CNBD1: variants seen among roughly 807,000 people sequenced by gnomAD.
The protein encoded by CNBD1 is cyclic nucleotide-binding domain-containing protein 1.
CNBD1 carries 71 observed loss-of-function variants against 54.4 expected under a neutral mutation model. The observed-to-expected ratio is 1.30, with a 90% CI of 1.08 to 1.59. The LOEUF (loss-of-function observed/expected upper bound fraction) is 1.59, where lower values mean the gene tolerates loss of function less well. Ranked by LOEUF, CNBD1 falls within the 40% of genes most tolerant of loss-of-function variation. The pLI is 0.00. For missense variants in CNBD1, 659 were observed against 518.0 expected (o/e 1.27, Z -2.64); for synonymous variants, 182 against 170.7 (o/e 1.07, Z -0.51).
intron 4 of CNBD1, among the ~76,000 whole-genome samples, chr8:87,170,360 C>G (rs1395658279): frequency 6.6e-6 from 1 of 152,070 alleles, no homozygotes; most frequent in African/African-American, 2.4e-5. Flanking sequence ...ATATCATCTG[C>G]AAACAAAGAT....
At chr8:87,376,532 C>T (rs1056582242) in intron 10 of CNBD1, among the ~76,000 whole-genome samples, 2 of 151,870 alleles carry the variant, frequency 1.3e-5, no homozygotes, top group African/African-American at 4.8e-5. Flanking sequence ...AAATAATTAT[C>T]TTCTGAAAAT....
intron 6 of CNBD1, among the ~76,000 whole-genome samples, chr8:87,261,260 A>C (rs1331899643): frequency 1.3e-5 from 2 of 152,082 alleles, no homozygotes; most frequent in East Asian, 3.9e-4. Context: ...AAGGGAGCTT[A>C]CCCACGATCC....
At chr8:87,424,256 T>A (rs1198812007) in intron 2 of CNBD1, among the ~76,000 whole-genome samples, 1 of 152,056 alleles carries the variant, frequency 6.6e-6, no homozygotes, top group Non-Finnish European at 1.5e-5. Flanking sequence ...TTTGAAGGGT[T>A]TTTTGTGTCT....
intron 2 of CNBD1, among the ~76,000 whole-genome samples, chr8:87,388,654 C>A (rs1367976561): frequency 2.6e-5 from 4 of 152,122 alleles, no homozygotes; most frequent in Non-Finnish European, 5.9e-5. Flanking sequence ...GAATTCACAG[C>A]CGAATTCTAC....
chr8:87,302,664 G>T (rs986390636), intron 8 of CNBD1, among the ~76,000 whole-genome samples: 12 of 151,698 alleles, frequency 7.9e-5, no homozygotes, highest in Admixed American at 3.3e-4. Context: ...GGAAATAAAG[G>T]GTATTCAATT....
At chr8:87,048,989 T>G (rs1479500216) in intron 4 of CNBD1, among the ~76,000 whole-genome samples, 2 of 152,218 alleles carry the variant, frequency 1.3e-5, no homozygotes, top group African/African-American at 4.8e-5. Context: ...GGCTGGCAAG[T>G]GGACTTTACT....
chr8:87,285,731 A>C (rs1808684193), intron 7 of CNBD1, among the ~76,000 whole-genome samples: 2 of 152,224 alleles, frequency 1.3e-5, no homozygotes, highest in Admixed American at 6.5e-5. Context: ...TTAGCCGGAC[A>C]TGGTGGTGCA....
At chr8:87,307,635 G>C (rs528871399) in intron 8 of CNBD1, among the ~76,000 whole-genome samples, 2 of 152,042 alleles carry the variant, frequency 1.3e-5, no homozygotes, top group East Asian at 3.9e-4. Flanking sequence ...CTACTTGGGA[G>C]GCTGAGGCAG....
At chr8:87,238,572 TA>T (rs552248048) in intron 6 of CNBD1, among the ~76,000 whole-genome samples, 2 of 151,978 alleles carry the variant, frequency 1.3e-5, no homozygotes, top group African/African-American at 4.8e-5. Flanking sequence ...AAAATAATAA[TA>T]AAAAAATACT....
At chr8:87,293,482 G>T (rs1177324429) in intron 8 of CNBD1, among the ~76,000 whole-genome samples, 1 of 152,150 alleles carries the variant, frequency 6.6e-6, no homozygotes, top group Non-Finnish European at 1.5e-5. Flanking sequence ...GGCTGAGGTT[G>T]CAGTGAGCCG....
At chr8:87,338,617 T>TCG (rs1230078319) in intron 8 of CNBD1, among the ~76,000 whole-genome samples, 1 of 132,972 alleles carries the variant, frequency 7.5e-6, no homozygotes, top group Non-Finnish European at 1.7e-5. Context: ...CATTTTTTCT[T>TCG]TGTTTTTTTT....
intron 4 of CNBD1, among the ~76,000 whole-genome samples, chr8:86,990,020 TC>T (rs1478190773): frequency 6.6e-5 from 10 of 152,208 alleles, no homozygotes; most frequent in Non-Finnish European, 8.8e-5. Context: ...TCTAATCCGA[TC>T]TTTTGCCAGT....
chr8:87,056,814 C>A (rs1019214479), intron 4 of CNBD1, among the ~76,000 whole-genome samples: 2 of 151,890 alleles, frequency 1.3e-5, no homozygotes, highest in Admixed American at 1.3e-4. Context: ...TGAACAGATT[C>A]ACATCACAAC....
At chr8:86,973,954 A>C (rs1180223357) in intron 4 of CNBD1, among the ~76,000 whole-genome samples, 2 of 151,996 alleles carry the variant, frequency 1.3e-5, no homozygotes, top group Admixed American at 6.6e-5. Context: ...ATAAATATTT[A>C]TTGACTATTG....
intron 6 of CNBD1, among the ~76,000 whole-genome samples, chr8:87,274,172 G>A (rs886257839): frequency 6.6e-6 from 1 of 151,564 alleles, no homozygotes; most frequent in Non-Finnish European, 1.5e-5. Flanking sequence ...GTCTATCATT[G>A]TTGGACATTT....
chr8:86,910,305 T>C (rs1013769509), intron 3 of CNBD1, among the ~76,000 whole-genome samples: 2 of 152,184 alleles, frequency 1.3e-5, no homozygotes, highest in South Asian at 4.1e-4. Context: ...TTGTAGATTA[T>C]CCCAATTCCC....
At chr8:87,280,823 T>C (rs1191874257) in intron 6 of CNBD1, among the ~76,000 whole-genome samples, 1 of 151,526 alleles carries the variant, frequency 6.6e-6, no homozygotes, top group Admixed American at 6.6e-5. Context: ...AGCATGAGAA[T>C]ACATCATTTC....
intron 8 of CNBD1, among the ~76,000 whole-genome samples, chr8:87,290,707 C>G (rs1186872574): frequency 6.6e-6 from 1 of 152,068 alleles, no homozygotes; most frequent in African/African-American, 2.4e-5. Flanking sequence ...TTCATTTCTC[C>G]TTTACTTTTG....
At chr8:87,359,847 A>G (rs1810493316) in intron 10 of CNBD1, among the ~76,000 whole-genome samples, 1 of 152,090 alleles carries the variant, frequency 6.6e-6, no homozygotes, top group Non-Finnish European at 1.5e-5. Flanking sequence ...GTTAGGAATA[A>G]TTTAAATTTG....
Sources: allele counts gnomAD v4.1 joint callset (sites outside exome capture counted in the v4.1 genomes callset), GRCh38; gene constraint gnomAD v4.1.1; transcripts MANE v1.5; gene names NCBI Gene and HGNC (gene_info 2026-07-23, HGNC 2026-07-21).